INPP4B: variants seen among roughly 807,000 people sequenced by gnomAD.
The protein encoded by INPP4B is inositol polyphosphate 4-phosphatase type II.
Under a neutral mutation model 122.5 loss-of-function variants are expected in INPP4B, and 55 were observed. That is an observed-to-expected ratio of 0.45 (90% CI 0.36 to 0.56). The LOEUF (loss-of-function observed/expected upper bound fraction) is 0.56, where lower values mean the gene tolerates loss of function less well. INPP4B is among the 20% of genes least tolerant of loss of function. The pLI is 0.00. For synonymous variants in INPP4B, 403 were observed against 388.7 expected, an observed-to-expected ratio of 1.04 and a Z score of -0.43; for missense variants, 1,000 against 1,097.7, an observed-to-expected ratio of 0.91 and a Z score of 1.26.
At chr4:142,808,065 TA>T (rs148079603) in intron 1 of INPP4B, among the ~76,000 whole-genome samples, 6,120 of 151,964 alleles carry the variant, frequency 0.04, 184 homozygotes, top group Admixed American at 0.088. Context: ...GCTATTTCTC[TA>T]AAGGAGCCCT....
intron 7 of INPP4B, among the ~76,000 whole-genome samples, chr4:142,325,577 T>C (rs17015923): frequency 0.026 from 3,934 of 152,300 alleles, 176 homozygotes; most frequent in African/African-American, 0.09. Context: ...GTTCATTCTA[T>C]AGGCTTCCAT....
intron 2 of INPP4B, among the ~76,000 whole-genome samples, chr4:142,499,313 C>T (rs1329694309): frequency 6.6e-6 from 1 of 151,922 alleles, no homozygotes; most frequent in Non-Finnish European, 1.5e-5. Context: ...GTAATTAAGG[C>T]CTCAATCATG....
chr4:142,181,603 C>A (rs573741603), intron 15 of INPP4B, among the ~76,000 whole-genome samples: 1 of 152,266 alleles, frequency 6.6e-6, no homozygotes, highest in Admixed American at 6.5e-5. Context: ...TAATGTTCAA[C>A]TTTAGCGATG....
At chr4:142,822,414 C>T (rs975248430) in intron 1 of INPP4B, among the ~76,000 whole-genome samples, 1 of 152,158 alleles carries the variant, frequency 6.6e-6, no homozygotes, top group South Asian at 2.1e-4. Context: ...GGAAACCAGA[C>T]CAAACAGCAG....
At chr4:142,129,839 C>T (rs147201260) in intron 18 of INPP4B, among the ~76,000 whole-genome samples, 6 of 151,814 alleles carry the variant, frequency 4.0e-5, no homozygotes, top group Non-Finnish European at 8.8e-5. Flanking sequence ...ATCATTGCTC[C>T]CCCCCTCCTT....
At chr4:142,196,372 G>T (rs1028082830) in intron 14 of INPP4B, among the ~76,000 whole-genome samples, 2 of 152,012 alleles carry the variant, frequency 1.3e-5, no homozygotes, top group African/African-American at 4.8e-5. Flanking sequence ...GAGTGTCAAA[G>T]CCTATTAAGC....
intron 2 of INPP4B, among the ~76,000 whole-genome samples, chr4:142,694,899 A>G (rs1225847900): frequency 6.6e-6 from 1 of 152,150 alleles, no homozygotes; most frequent in Non-Finnish European, 1.5e-5. Flanking sequence ...TATTTTCTCT[A>G]CTGGGAGCAA....
At chr4:142,786,091 C>T (rs937185555) in intron 1 of INPP4B, among the ~76,000 whole-genome samples, 2 of 152,016 alleles carry the variant, frequency 1.3e-5, no homozygotes, top group Non-Finnish European at 2.9e-5. Context: ...AATGAAATGA[C>T]ACCCCAGCAA....
At chr4:142,718,350 G>A (rs977743172) in intron 2 of INPP4B, among the ~76,000 whole-genome samples, 11 of 152,132 alleles carry the variant, frequency 7.2e-5, no homozygotes, top group African/African-American at 1.9e-4. Flanking sequence ...TAAAACTGGC[G>A]GGCTCTCTAT....
intron 2 of INPP4B, among the ~76,000 whole-genome samples, chr4:142,640,979 G>A (rs1262487085): frequency 6.6e-6 from 1 of 152,108 alleles, no homozygotes; most frequent in Non-Finnish European, 1.5e-5. Flanking sequence ...CTGCTGATAG[G>A]AATATAAATC....
chr4:142,301,375 G>T (rs964751013), intron 9 of INPP4B, among the ~76,000 whole-genome samples: 5 of 152,018 alleles, frequency 3.3e-5, no homozygotes, highest in African/African-American at 1.2e-4. Context: ...TTAAACAAAA[G>T]AATATAAAAT....
intron 3 of INPP4B, among the ~76,000 whole-genome samples, chr4:142,436,548 G>T (rs1036116055): frequency 1.3e-5 from 2 of 152,102 alleles, no homozygotes; most frequent in South Asian, 2.1e-4. Flanking sequence ...CCAGAGGAAG[G>T]AGCAGGCACC....
intron 7 of INPP4B, among the ~76,000 whole-genome samples, chr4:142,382,110 G>A (rs1227375347): frequency 6.6e-6 from 1 of 152,014 alleles, no homozygotes; most frequent in East Asian, 1.9e-4. Flanking sequence ...TTAAAATTAT[G>A]TTAAATTTAT....
At chr4:142,285,260 AC>A (rs993698251) in intron 9 of INPP4B, among the ~76,000 whole-genome samples, 51 of 152,132 alleles carry the variant, frequency 3.4e-4, no homozygotes, top group Non-Finnish European at 1.0e-4. Context: ...AGAAAAGGGC[AC>A]CCCTGTGGCT....
chr4:142,406,088 CT>C (rs1170661890), intron 5 of INPP4B, among the ~76,000 whole-genome samples: 2 of 152,106 alleles, frequency 1.3e-5, no homozygotes, highest in Non-Finnish European at 2.9e-5. Flanking sequence ...AAAAATATTC[CT>C]TTTAAGCAAG....
intron 2 of INPP4B, among the ~76,000 whole-genome samples, chr4:142,576,108 G>A (rs530932161): frequency 3.9e-5 from 6 of 151,972 alleles, no homozygotes; most frequent in African/African-American, 1.4e-4. Flanking sequence ...TATCTACCTG[G>A]GGCTGATTCA....
At chr4:142,793,792 A>G (rs1257944347) in intron 1 of INPP4B, among the ~76,000 whole-genome samples, 1 of 152,090 alleles carries the variant, frequency 6.6e-6, no homozygotes, top group Non-Finnish European at 1.5e-5. Context: ...AATGTAATAA[A>G]GATGCTACTT....
intron 11 of INPP4B, among the ~76,000 whole-genome samples, chr4:142,256,768 C>T (rs1736381911): frequency 1.3e-5 from 2 of 152,284 alleles, no homozygotes; most frequent in African/African-American, 4.8e-5. Flanking sequence ...CCGAATTCTA[C>T]CAGATGTACA....
chr4:142,108,293 G>A (rs370828000), intron 22 of INPP4B, 103 bp from the exon 23 acceptor site: 106 of 678,622 alleles, frequency 1.6e-4, no homozygotes, highest in Non-Finnish European at 2.5e-4. Context: ...AATTTCCTAA[G>A]GAAAGAGTCT....
Sources: gnomAD v4.1 joint callset for allele counts (sites outside exome capture counted in the v4.1 genomes callset) on GRCh38, gnomAD v4.1.1 for gene constraint, MANE v1.5 for transcripts, NCBI Gene and HGNC (gene_info 2026-07-23, HGNC 2026-07-21) for gene names.